Variants in HACE1 observed in about 807,000 individuals in gnomAD.
HACE1 encodes the protein HECT domain and ankyrin repeat containing E3 ubiquitin protein ligase 1, also known as E3 ubiquitin-protein ligase HACE1.
Under a neutral mutation model 118.4 loss-of-function variants are expected in HACE1, and 73 were observed. The observed-to-expected ratio is 0.62, with a 90% CI of 0.51 to 0.75. HACE1 has a LOEUF of 0.75. Ranked by LOEUF, HACE1 falls within the 30% of genes least tolerant of loss-of-function variation. HACE1 has a pLI of 0.00. For synonymous variants in HACE1, 368 were observed against 374.8 expected (o/e 0.98, Z 0.21); for missense variants, 749 against 1,102.2 (o/e 0.68, Z 4.54).
intron 22 of HACE1, among the ~76,000 whole-genome samples, chr6:104,732,881 C>A (rs1415347314): frequency 1.3e-5 from 2 of 152,132 alleles, no homozygotes. Context: ...TGATGAAATT[C>A]TTGAGCTTAC....
At chr6:104,839,832 C>G (rs1774919622) in intron 5 of HACE1, among the ~76,000 whole-genome samples, 1 of 152,136 alleles carries the variant, frequency 6.6e-6, no homozygotes, top group East Asian at 1.9e-4. Flanking sequence ...ATCGTGAAAC[C>G]CCATCTCTAC....
At chr6:104,855,570 T>A (rs1776640208) in intron 1 of HACE1, among the ~76,000 whole-genome samples, 2 of 152,092 alleles carry the variant, frequency 1.3e-5, no homozygotes, top group Non-Finnish European at 2.9e-5. Flanking sequence ...ATAGACTCTG[T>A]TTTATCCTCT....
rs1249081019 is a variant in HACE1, at chr6:104,849,275, T to A, written c.222-29A>T. The A allele has an allele frequency of 3.3e-6, 4 of 1,218,684 alleles. No individual in the cohort carries two copies. In the South Asian group the frequency reaches 4.8e-5, roughly 15 times the overall value. 75.5% of individuals were successfully genotyped at this position (1,218,684 alleles called of 1,614,324 possible). ...AAACAATATTAAAAGACAGTTCAGATACATTCAACATACAGCCATACTTGA... is the reference window on the plus strand; with the variant it reads ...AAACAATATTAAAAGACAGTTCAGAAACATTCAACATACAGCCATACTTGA... On this transcript the variant is annotated intron_variant, in intron 3 of 23. Transcript: ENST00000262903.
intron 17 of HACE1, among the ~76,000 whole-genome samples, chr6:104,773,639 A>G (rs984857118): frequency 5.9e-5 from 9 of 152,188 alleles, no homozygotes; most frequent in African/African-American, 2.2e-4. Context: ...AAAATAATGA[A>G]TGATTACAGC....
chr6:104,768,609 G>T (rs1444372292), intron 19 of HACE1, among the ~76,000 whole-genome samples: 1 of 144,454 alleles, frequency 6.9e-6, no homozygotes. Flanking sequence ...GAAAAAAAAG[G>T]CTCAATTTAT....
chr6:104,733,379 GAATA>G (rs1775419082), intron 22 of HACE1, among the ~76,000 whole-genome samples: 1 of 151,990 alleles, frequency 6.6e-6, no homozygotes, highest in South Asian at 2.1e-4. Flanking sequence ...CCTACACTAT[GAATA>G]AATATGGCTG....
In HACE1 at chr6:104,732,562, T is replaced by C. The variant is rs1582551071; in HGVS notation, c.2514-2146A>G. Among the ~76,000 whole-genome samples, 6 of 152,184 alleles carry C rather than the reference T, an allele frequency of 3.9e-5. 2 individuals carry two copies. The highest frequency in any genetic ancestry group is 3.9e-4 in the Admixed American group (6 of 15,274). On this transcript the variant is annotated intron_variant, in intron 22 of 23. Transcript: ENST00000262903. ...GGGAAAGGAGGAGGGGGAGTTAGTG[T>C]TTAAAGTACAGTTTCAGTTGGGAAA...
chr6:104,858,885 GCTGAACTAAAAGTC>G (rs1383592013), intron 1 of HACE1, among the ~76,000 whole-genome samples: 1 of 152,136 alleles, frequency 6.6e-6, no homozygotes, highest in East Asian at 1.9e-4. Context: ...ACCCTGGCAC[GCTGAACTAAAAGTC>G]CTGATCCTCA....
At position 104,833,075 on chromosome 6, in the gene HACE1, T is replaced by C. The variant is rs760726742; in HGVS notation, c.501A>G (p.Ala167=). The C allele has an allele frequency of 4.3e-6, 7 of 1,613,432 alleles. No individual in the cohort carries two copies. The highest frequency in any genetic ancestry group is 1.1e-5 in the South Asian group (1 of 91,072). ...GACCGTTCTGGCAGGCAACATGCAG[T>C]GCTGTCTGCCCCATGGCATCCTCAA... The part of the protein sequence containing the change: ...VDVEDAMGQT[A]LHVACQNGHK... Residue 167 remains alanine (A), a synonymous_variant, in exon 6 of 24, where the codon GCA becomes GCG. Coordinates refer to ENST00000262903, the MANE Select transcript of HACE1 (RefSeq NM_020771.4).
intron 22 of HACE1, 51 bp from the exon 23 acceptor site, chr6:104,730,467 G>C (rs758711525): frequency 4.4e-6 from 4 of 915,408 alleles, no homozygotes; most frequent in Non-Finnish European, 7.3e-6. Context: ...AGATATTTGT[G>C]ACAGATAAAT....
At chr6:104,776,003 T>G (rs765448507) in intron 17 of HACE1, among the ~76,000 whole-genome samples, 3 of 152,230 alleles carry the variant, frequency 2.0e-5, no homozygotes, top group Non-Finnish European at 2.9e-5. Flanking sequence ...TATGTCTTTA[T>G]TAAGTTAGAG....
intron 6 of HACE1, among the ~76,000 whole-genome samples, chr6:104,827,035 C>T (rs764743744): frequency 1.3e-5 from 2 of 152,136 alleles, no homozygotes; most frequent in Non-Finnish European, 2.9e-5. Context: ...TTTCAAGTGA[C>T]AAAACAATAT....
At chr6:104,800,391 A>G (rs1215406439) in intron 7 of HACE1, among the ~76,000 whole-genome samples, 1 of 152,188 alleles carries the variant, frequency 6.6e-6, no homozygotes, top group Non-Finnish European at 1.5e-5. Flanking sequence ...TTGAGCTCTG[A>G]GAACGGACAG....
At chr6:104,785,416 A>G in intron 11 of HACE1, 97 bp from the exon 12 acceptor site, 1 of 729,994 alleles carries the variant, frequency 1.4e-6, no homozygotes, top group Non-Finnish European at 2.3e-6. Context: ...ATAGAAGAGA[A>G]AATTTACTCT....
chr6:104,802,463 C>T (rs148234720), intron 7 of HACE1, among the ~76,000 whole-genome samples: 5 of 152,188 alleles, frequency 3.3e-5, no homozygotes, highest in South Asian at 2.1e-4. Context: ...CCACATAATT[C>T]GAAGTAAAGC....
intron 19 of HACE1, among the ~76,000 whole-genome samples, chr6:104,762,249 C>G (rs1437591354): frequency 6.6e-6 from 1 of 152,156 alleles, no homozygotes; most frequent in Non-Finnish European, 1.5e-5. Context: ...CACACGCACA[C>G]GTATGTTTAC....
intron 10 of HACE1, among the ~76,000 whole-genome samples, chr6:104,795,057 A>G (rs1783467109): frequency 6.6e-6 from 1 of 152,174 alleles, no homozygotes; most frequent in African/African-American, 2.4e-5. Flanking sequence ...TAGCTACAGG[A>G]AAACACTTCA....
intron 20 of HACE1, among the ~76,000 whole-genome samples, chr6:104,747,732 T>C (rs6906928): frequency 0.25 from 37,538 of 151,974 alleles, 5,025 homozygotes; most frequent in African/African-American, 0.36. Flanking sequence ...GGGACAATAG[T>C]ACTCACCTCA....
At chr6:104,744,747 TCAA>T (rs1452123599) in intron 20 of HACE1, 137 bp from the exon 21 acceptor site, 4 of 649,926 alleles carry the variant, frequency 6.2e-6, no homozygotes, top group Non-Finnish European at 1.1e-5. Flanking sequence ...CTGCATGTCA[TCAA>T]CAACAAGCAT....
Sources: allele counts gnomAD v4.1 joint callset (sites outside exome capture counted in the v4.1 genomes callset), GRCh38; gene constraint gnomAD v4.1.1; transcripts MANE v1.5; gene names NCBI Gene and HGNC (gene_info 2026-07-23, HGNC 2026-07-21).